The following UMOD variants were observed in gnomAD, a reference collection of about 807,000 sequenced individuals.
UMOD encodes the protein Tamm-Horsfall urinary glycoprotein.
UMOD carries 64 observed loss-of-function variants against 66.0 expected under a neutral mutation model. The ratio of observed to expected loss-of-function variants is 0.97; its 90% confidence interval spans 0.79 to 1.19. The LOEUF is 1.19. Ranked by LOEUF, UMOD falls within the 50% of genes most tolerant of loss-of-function variation. The pLI, the probability that UMOD is intolerant of heterozygous loss-of-function variation, is 0.00. For synonymous variants in UMOD, 398 were observed against 352.7 expected, an observed-to-expected ratio of 1.13 and a Z score of -1.44; for missense variants, 764 against 850.9, an observed-to-expected ratio of 0.90 and a Z score of 1.27.
chr16:20,350,586 C>A, intron 2 of UMOD, 64 bp downstream of exon 2: 1 of 1,589,406 alleles, frequency 6.3e-7, no homozygotes, highest in East Asian at 2.2e-5. Flanking sequence ...ACATTGCTTC[C>A]CCCACACATT....
At position 20,340,472 on chromosome 16, in the gene UMOD, GTATATA is replaced by G. The variant is rs10533543; in HGVS notation, c.1577+613_1577+618del. Among the ~76,000 whole-genome samples the G allele has an allele frequency of 8.1e-3, 915 of 112,526 alleles. 10 individuals are homozygous for G. The highest frequency in any genetic ancestry group is 0.036 in the African/African-American group (874 of 24,578). The allele number at this position is 112,526 out of a possible 152,430, so 73.8% of individuals were successfully genotyped here. A position where few individuals can be genotyped will look rare whatever the true frequency, so the allele number is the denominator to read the frequency against. ...TGTGTGTATATATATGTGTGTGTGT[GTATATA>G]TATATATATATATATAATACATAAA... On this transcript the variant is annotated intron_variant, in intron 7 of 10. Coordinates refer to ENST00000396138, the MANE Select transcript of UMOD (RefSeq NM_003361.4).
intron 7 of UMOD, among the ~76,000 whole-genome samples, chr16:20,339,811 T>C (rs1475064552): frequency 2.8e-4 from 42 of 152,232 alleles, no homozygotes; most frequent in Non-Finnish European, 2.9e-5. Context: ...AGGTTTTTGT[T>C]TCTTCTATTT....
rs966378062 is a variant in UMOD at position 20,344,096 on chromosome 16, T to C, written c.1259A>G (p.Lys420Arg). ...DEIIIRDLNI[K>R]INFACSYPLD... Reference sequence around the variant, plus strand: ...GGGGTAGGAGCATGCAAAGTTGATTTTGATGTTGAGGTCACGGATGATGAT... The same window carrying C: ...GGGGTAGGAGCATGCAAAGTTGATTCTGATGTTGAGGTCACGGATGATGAT... The change falls in exon 6 of 11, where the codon AAA (lysine) becomes AGA (arginine). Residue 420 changes from lysine to arginine, a missense_variant. Transcript: ENST00000396138. 6.2e-7 allele frequency: 1 copy of C among 1,613,908 alleles called. No individual in the cohort carries two copies.
upstream of UMOD, among the ~76,000 whole-genome samples, chr16:20,355,765 C>A (rs889539490): frequency 2.0e-5 from 3 of 152,198 alleles, no homozygotes; most frequent in African/African-American, 4.8e-5. Context: ...ATGCTGAGAA[C>A]AATCACCCAC....
upstream of UMOD, among the ~76,000 whole-genome samples, chr16:20,353,233 G>A (rs1445116286): frequency 6.6e-6 from 1 of 152,194 alleles, no homozygotes; most frequent in Non-Finnish European, 1.5e-5. Flanking sequence ...GAGGAGCTGA[G>A]AATGGCTGAA....
chr16:20,349,232 G>A lies in UMOD; in HGVS notation c.89-20C>T, dbSNP rs753097392. On this transcript the variant is annotated intron_variant, in intron 2 of 10. Transcript: ENST00000396138. ...ACCATCCTGTGGACAGAAAAGCCCA[G>A]CTTCAGGGTTTGGGCAGCTGGGCCC... The A allele has an allele frequency of 6.4e-5, 103 of 1,610,514 alleles. No individual in the cohort carries two copies. Among genetic ancestry groups the A allele is most frequent in the Non-Finnish European group, 8.3e-5 (98 of 1,179,312 alleles).
intron 8 of UMOD, 123 bp downstream of exon 8, chr16:20,337,163 CCTCAT>C: frequency 7.6e-7 from 1 of 1,312,974 alleles, no homozygotes. Context: ...GCCACGCCCA[CCTCAT>C]CTTATTGCTC....
At chr16:20,354,878 C>T (rs974118455), upstream of UMOD, among the ~76,000 whole-genome samples, 5 of 152,152 alleles carry the variant, frequency 3.3e-5, no homozygotes, top group African/African-American at 1.2e-4. Flanking sequence ...CCACATACCC[C>T]CAACCCTTGG....
chr16:20,340,780 G>A (rs1965162867), intron 7 of UMOD, among the ~76,000 whole-genome samples: 1 of 151,958 alleles, frequency 6.6e-6, no homozygotes, highest in African/African-American at 2.4e-5. Context: ...GATCACTTGA[G>A]GTCAGGAGTT....
At chr16:20,344,323 C>G (rs920559118) in intron 5 of UMOD, 151 bp from the exon 6 acceptor site, 1 of 791,726 alleles carries the variant, frequency 1.3e-6, no homozygotes, top group Non-Finnish European at 2.1e-6. Flanking sequence ...CTGCCTGTGG[C>G]CGGGCGCATT....
Position 20,348,787 on chromosome 16 carries a change from C to T in UMOD, c.514G>A (p.Asp172Asn). 6.5e-7 allele frequency: 1 copy of T among 1,544,220 alleles called. No homozygotes were observed. The highest frequency in any genetic ancestry group is 8.7e-7 in the Non-Finnish European group (1 of 1,146,128). ...VPEGDALVCADPCQAHRTLDE... is the reference protein window; with the variant it reads ...VPEGDALVCANPCQAHRTLDE... The stretch of plus-strand genomic sequence containing the variant: ...AGGGTGCGGTGCGCCTGGCACGGAT[C>T]CGCGCACACGAGCGCGTCGCCCTCG... The change falls in exon 3 of 11, where the codon GAT (aspartate) becomes AAT (asparagine). Residue 172 changes from aspartate (D) to asparagine (N), a missense_variant. Transcript: ENST00000396138.
upstream of UMOD, among the ~76,000 whole-genome samples, chr16:20,353,460 G>T (rs1292438355): frequency 6.6e-6 from 1 of 152,132 alleles, no homozygotes; most frequent in African/African-American, 2.4e-5. Context: ...CAATTTCCTT[G>T]TCTATAAAAT....
At chr16:20,352,099 C>T (rs1965930817) in intron 1 of UMOD, among the ~76,000 whole-genome samples, 1 of 150,172 alleles carries the variant, frequency 6.7e-6, no homozygotes, top group South Asian at 2.1e-4. Context: ...TATGTGCACA[C>T]ACACATAAAA....
In UMOD at chr16:20,337,393, G is replaced by T; in HGVS notation, c.1638C>A (p.Gly546=). 2 of 1,614,152 alleles carry T rather than the reference G, an allele frequency of 1.2e-6. No individual in the cohort carries two copies. Among genetic ancestry groups the T allele is most frequent in the Non-Finnish European group, 1.7e-6 (2 of 1,180,026 alleles). Residue 546 remains glycine (G), a synonymous_variant, in exon 8 of 11, where the codon GGC becomes GGA. Transcript: ENST00000396138. The part of the protein sequence containing the change: ...QVVENGESSQ[G]RFSVQMFRFA... ...ACCGGAACATCTGGACGGAAAATCG[G>T]CCCTGGGAGGACTCCCCATTCTCCA...
chr16:20,338,695 T>C (rs1165601432), intron 7 of UMOD, among the ~76,000 whole-genome samples: 2 of 152,130 alleles, frequency 1.3e-5, no homozygotes, highest in Non-Finnish European at 2.9e-5. Flanking sequence ...GGTTTCACCA[T>C]GTTGACCAGG....
Position 20,350,771 on chromosome 16 carries a change from T to C in UMOD, c.-34A>G. 4.3e-6 allele frequency: 7 copies of C among 1,614,002 alleles called. No individual in the cohort carries two copies. Among genetic ancestry groups the C allele is most frequent in the South Asian group, 2.2e-5 (2 of 91,052 alleles). On this transcript the variant is annotated 5_prime_UTR_variant, in exon 2 of 11. Coordinates refer to ENST00000396138, the MANE Select transcript of UMOD (RefSeq NM_003361.4). Reference sequence around the variant, plus strand: ...CTCTTCCCGCTACTTCAGGTCTAGATAGCACCTGCCCAAAGGAAAGACGGG... The same window carrying C: ...CTCTTCCCGCTACTTCAGGTCTAGACAGCACCTGCCCAAAGGAAAGACGGG...
chr16:20,351,613 A>G (rs540522204), intron 1 of UMOD, among the ~76,000 whole-genome samples: 2 of 152,326 alleles, frequency 1.3e-5, no homozygotes, highest in South Asian at 2.1e-4. Context: ...TGCTTTCACA[A>G]ACTGAATATC....
intron 7 of UMOD, among the ~76,000 whole-genome samples, chr16:20,340,460 ATG>A (rs1194726457): frequency 0.034 from 4,016 of 118,686 alleles, 74 homozygotes; most frequent in Non-Finnish European, 0.042. Flanking sequence ...GTGTATATAT[ATG>A]TGTGTGTGTG....
At chr16:20,344,688 T>C (rs565000158) in intron 5 of UMOD, among the ~76,000 whole-genome samples, 7 of 71,590 alleles carry the variant, frequency 9.8e-5, no homozygotes, top group Admixed American at 7.4e-4. Flanking sequence ...CTTTATAAAT[T>C]AGAAAAAAAA....
Sources: allele counts gnomAD v4.1 joint callset (sites outside exome capture counted in the v4.1 genomes callset), GRCh38; gene constraint gnomAD v4.1.1; transcripts MANE v1.5; gene names NCBI Gene and HGNC (gene_info 2026-07-23, HGNC 2026-07-21).